Variants in EMC3 observed in about 807,000 individuals in gnomAD.
EMC3 encodes ER membrane protein complex subunit 3.
In EMC3, 13 loss-of-function variants were observed where a neutral mutation model predicts 36.6. The observed-to-expected ratio is 0.35, with a 90% confidence interval of 0.23 to 0.56. EMC3 has a LOEUF of 0.56. Ranked by LOEUF, EMC3 falls within the 20% of genes least tolerant of loss-of-function variation. EMC3 has a pLI of 0.84. For synonymous variants in EMC3, 120 were observed against 111.9 expected, an observed-to-expected ratio of 1.07 and a Z score of -0.46; for missense variants, 220 against 324.5, an observed-to-expected ratio of 0.68 and a Z score of 2.47.
intron 1 of EMC3, chr3:10,010,169 A>T (rs1275152481): frequency 6.6e-6 from 1 of 152,668 alleles, no homozygotes. Context: ...GCGGTGGCTC[A>T]CGCCTGTAAT....
intron 3 of EMC3, 54 bp from the exon 4 acceptor site, chr3:9,974,542 A>T (rs1383619653): frequency 7.3e-6 from 9 of 1,231,518 alleles, no homozygotes; most frequent in African/African-American, 1.5e-5. Context: ...GTTGCCAGGG[A>T]CTTTCTCCTG....
intron 1 of EMC3, chr3:10,002,782 C>T (rs1559359637): frequency 2.2e-6 from 1 of 454,884 alleles, no homozygotes. Context: ...CCTGGCTCAA[C>T]AAGCCTTCCA....
In EMC3 at chr3:9,963,815, TTC is replaced by T; in HGVS notation, c.*252_*253del. 2.5e-6 allele frequency: 1 copy of T among 392,384 alleles called. No homozygotes were observed. The highest frequency in any genetic ancestry group is 8.2e-4 in the Middle Eastern group (1 of 1,216). The allele number at this position is 392,384 out of a possible 1,614,324, so 24.3% of individuals were successfully genotyped here. A position where few individuals can be genotyped will look rare whatever the true frequency, so the allele number is the denominator to read the frequency against. ...TATCAGTAGCCTGAGGTTTCCCCCT[TTC>T]TCTGACTTTCATTACTAGAGTCACC... On this transcript the variant is annotated 3_prime_UTR_variant, in exon 8 of 8. Coordinates refer to ENST00000245046, the MANE Select transcript of EMC3 (RefSeq NM_001394674.1).
chr3:10,001,532 T>C (rs1176157842), intron 1 of EMC3, among the ~76,000 whole-genome samples: 2 of 147,826 alleles, frequency 1.4e-5, no homozygotes, highest in East Asian at 2.1e-4. Flanking sequence ...GAGCCGAGAT[T>C]GTGCCACTGC....
intron 1 of EMC3, 108 bp downstream of exon 1, chr3:9,986,399 C>T: frequency 1.5e-6 from 2 of 1,323,344 alleles, no homozygotes; most frequent in African/African-American, 1.4e-5. Context: ...TAAGGTCACC[C>T]TGTCAGAGGG....
intron 1 of EMC3, chr3:10,004,168 T>G (rs2086237141): frequency 6.6e-6 from 1 of 152,128 alleles, no homozygotes. Flanking sequence ...TGGAAGCTAT[T>G]TTTCCCCAGT....
At chr3:10,003,169 A>T (rs1330157300) in intron 1 of EMC3, 1 of 456,722 alleles carries the variant, frequency 2.2e-6, no homozygotes, top group Non-Finnish European at 4.4e-6. Context: ...CACCAAGAGC[A>T]CCAGTAGCAG....
Position 9,974,447 on chromosome 3 carries a change from T to A in EMC3, c.349A>T (p.Asn117Tyr). 6.2e-7 allele frequency: 1 copy of A among 1,613,848 alleles called. No homozygotes were observed. ...LTDMMKGNVTNVLPMILIGGW... is the reference protein window; with the variant it reads ...LTDMMKGNVTYVLPMILIGGW... ...CCAATAAGAATCATAGGGAGGACAT[T>A]TGTTACATTCCCTTTCATCATGTCT... The change falls in exon 4 of 8, where the codon AAT becomes TAT. Residue 117 changes from asparagine to tyrosine, a missense_variant. Physicochemically the swap from Asn to Tyr is moderately radical, Grantham distance 143. This residue lies in a region of EMC3 where 127 missense variants were observed against 174.6 expected (regional missense o/e 0.73). Transcript: ENST00000245046.
chr3:9,998,901 T>G (rs373180921), intron 1 of EMC3, among the ~76,000 whole-genome samples: 7 of 152,126 alleles, frequency 4.6e-5, no homozygotes, highest in African/African-American at 1.7e-4. Flanking sequence ...GGACCACAGG[T>G]GCGCACCATG....
At position 9,986,387 on chromosome 3, in the gene EMC3, GGTAAGGTCACCCT is replaced by G. The variant is rs878961189; in HGVS notation, c.155+107_155+119del. The G allele has an allele frequency of 2.8e-4, 317 of 1,149,334 alleles. 5 individuals carry two copies. In the South Asian group the frequency reaches 4.3e-3, roughly 15 times the overall value. 71.2% of individuals were successfully genotyped at this position (1,149,334 alleles called of 1,614,324 possible). A position where few individuals can be genotyped will look rare whatever the true frequency, so the allele number is the denominator to read the frequency against. The stretch of plus-strand genomic sequence containing the variant: ...ACAAAAGTGAAACACAGAGGTAACG[GGTAAGGTCACCCT>G]GTCAGAGGGGGCGCGACGTGAACCT... On this transcript the variant is annotated intron_variant, in intron 1 of 7. Transcript: ENST00000245046.
At chr3:9,994,002 T>C (rs2086090668) in intron 1 of EMC3, among the ~76,000 whole-genome samples, 1 of 152,302 alleles carries the variant, frequency 6.6e-6, no homozygotes, top group African/African-American at 2.4e-5. Flanking sequence ...GGACTCCCAT[T>C]GATCCTGAGA....
At chr3:9,981,405 A>C (rs2085910556) in intron 1 of EMC3, among the ~76,000 whole-genome samples, 1 of 152,206 alleles carries the variant, frequency 6.6e-6, no homozygotes, top group Non-Finnish European at 1.5e-5. Flanking sequence ...GACCTAAATA[A>C]GCAATCTTAA....
Position 10,000,836 on chromosome 3 carries a change from G to A in EMC3, c.-242+10187C>T, listed in dbSNP as rs867435659. ...AATCCAACAGCCTGACCTGTCTTCC[G>A]CCCGAAGAGACCTTGGAGATTAGGC... On this transcript the variant is annotated intron_variant, in intron 1 of 8. Transcript: ENST00000470827. 4.9e-5 allele frequency: 24 copies of A among 488,882 alleles called. No individual in the cohort carries two copies. In the Middle Eastern group the frequency reaches 1.6e-3, roughly 33 times the overall value. The allele number at this position is 488,882 out of a possible 1,614,324, so 30.3% of individuals were successfully genotyped here.
upstream of EMC3, chr3:9,988,388 G>A: frequency 8.0e-7 from 1 of 1,249,078 alleles, no homozygotes; most frequent in Non-Finnish European, 1.2e-6. Flanking sequence ...AGGAAATCAA[G>A]AAAGCAGCGG....
chr3:9,971,709 T>TTATATGA (rs2085786996), intron 5 of EMC3, among the ~76,000 whole-genome samples: 1 of 152,240 alleles, frequency 6.6e-6, no homozygotes, highest in Admixed American at 6.5e-5. Context: ...AATAGACTCA[T>TTATATGA]GCTACTCATA....
chr3:9,984,184 C>T (rs1024884254), intron 1 of EMC3, among the ~76,000 whole-genome samples: 1 of 151,924 alleles, frequency 6.6e-6, no homozygotes. Flanking sequence ...CGGATTCAAG[C>T]GATTCTCCTG....
At position 9,969,805 on chromosome 3, in the gene EMC3, T is replaced by C. The variant is rs1415148983; in HGVS notation, c.575-4A>G. 2 of 1,612,758 alleles carry C rather than the reference T, an allele frequency of 1.2e-6. No homozygotes were observed. Among genetic ancestry groups the C allele is most frequent in the African/African-American group, 1.3e-5 (1 of 74,864 alleles). On this transcript the variant is annotated splice_region_variant and splice_polypyrimidine_tract_variant and intron_variant, in intron 6 of 7. Transcript: ENST00000245046. ...ATCATTCGTGATTGGTCAGCGGCTGTAGCATAAGACACACTTACATGAGTG... is the reference window on the plus strand; with the variant it reads ...ATCATTCGTGATTGGTCAGCGGCTGCAGCATAAGACACACTTACATGAGTG...
At chr3:9,967,099 GTC>G (rs1226660070) in intron 7 of EMC3, among the ~76,000 whole-genome samples, 3 of 151,976 alleles carry the variant, frequency 2.0e-5, no homozygotes, top group Non-Finnish European at 4.4e-5. Flanking sequence ...CTACTTTCTT[GTC>G]TCTGTGAATT....
intron 1 of EMC3, among the ~76,000 whole-genome samples, chr3:9,992,257 A>G (rs1380450822): frequency 1.3e-5 from 2 of 152,000 alleles, no homozygotes; most frequent in Non-Finnish European, 2.9e-5. Flanking sequence ...AGTAGCTGGG[A>G]TTGCAGGCAG....
Sources: allele counts gnomAD v4.1 joint callset (sites outside exome capture counted in the v4.1 genomes callset), GRCh38; gene constraint gnomAD v4.1.1; regional missense constraint gnomAD v4.1.1; transcripts MANE v1.5; gene names NCBI Gene and HGNC (gene_info 2026-07-23, HGNC 2026-07-21).